Variants in THSD7B observed in about 807,000 individuals in gnomAD.
THSD7B encodes the protein thrombospondin type-1 domain-containing protein 7B.
In THSD7B, 138 loss-of-function variants were observed where a neutral mutation model predicts 213.6. That is an observed-to-expected ratio of 0.65 (90% confidence interval 0.56 to 0.74). The LOEUF is 0.74. Among genes scored for constraint, THSD7B ranks in the 30% least tolerant of loss-of-function variants. The probability of loss-of-function intolerance (pLI) is 0.00; values close to 1 mark genes in which losing one functional copy is unlikely to be tolerated. For synonymous variants in THSD7B, 742 were observed against 687.0 expected (o/e 1.08, Z -1.25); for missense variants, 1,931 against 1,991.5 (o/e 0.97, Z 0.58).
At chr2:137,430,537 G>T (rs1048697203) in intron 14 of THSD7B, among the ~76,000 whole-genome samples, 1 of 152,206 alleles carries the variant, frequency 6.6e-6, no homozygotes, top group African/African-American at 2.4e-5. Flanking sequence ...CTGCCCCATG[G>T]ATAAAATCTC....
At chr2:137,657,577 A>G (rs549239427) in intron 24 of THSD7B, among the ~76,000 whole-genome samples, 32 of 152,368 alleles carry the variant, frequency 2.1e-4, no homozygotes, top group Non-Finnish European at 3.4e-4. Context: ...ACAAAATTTA[A>G]AAATTAAAAT....
At chr2:137,401,318 G>A (rs1558784691) in intron 12 of THSD7B, among the ~76,000 whole-genome samples, 1 of 152,068 alleles carries the variant, frequency 6.6e-6, no homozygotes, top group Non-Finnish European at 1.5e-5. Flanking sequence ...TTTCCTTTGT[G>A]TGTTTGTTTT....
At chr2:137,376,118 C>A (rs1040296047) in intron 12 of THSD7B, among the ~76,000 whole-genome samples, 3 of 152,142 alleles carry the variant, frequency 2.0e-5, no homozygotes, top group African/African-American at 7.2e-5. Flanking sequence ...AGTTGTTTTT[C>A]ATGGGAGAAT....
intron 17 of THSD7B, among the ~76,000 whole-genome samples, chr2:137,598,005 T>C (rs1047894640): frequency 2.0e-5 from 3 of 152,076 alleles, no homozygotes; most frequent in African/African-American, 7.2e-5. Context: ...AGCTTGAGTC[T>C]CTCTTCCTAT....
chr2:137,122,130 G>A (rs1406950256), intron 5 of THSD7B, among the ~76,000 whole-genome samples: 2 of 152,198 alleles, frequency 1.3e-5, no homozygotes, highest in African/African-American at 4.8e-5. Flanking sequence ...GGCAATGCTA[G>A]TTGATTTCTA....
At chr2:137,390,323 G>C (rs765027535) in intron 12 of THSD7B, among the ~76,000 whole-genome samples, 4 of 151,872 alleles carry the variant, frequency 2.6e-5, no homozygotes, top group Non-Finnish European at 4.4e-5. Context: ...TTGCCTTCTT[G>C]ATTATGTTTC....
chr2:137,655,261 T>C lies in THSD7B; in HGVS notation c.3946-240T>C, dbSNP rs1168364541. Among the ~76,000 whole-genome samples, 4 of 152,218 alleles carry C rather than the reference T, an allele frequency of 2.6e-5. No homozygotes were observed. In the East Asian group the frequency reaches 7.7e-4, roughly 29 times the overall value. ...AATCTTGGCTGAGTTCCAAAATGAA[T>C]TGTCATATTCTAAGTACATAGGTTC... is the stretch of plus-strand genomic sequence containing the variant. On this transcript the variant is annotated intron_variant, in intron 21 of 27. Transcript: ENST00000409968.
At chr2:137,093,240 G>C (rs546759267) in intron 3 of THSD7B, among the ~76,000 whole-genome samples, 1 of 147,978 alleles carries the variant, frequency 6.8e-6, no homozygotes. Flanking sequence ...AGCAGCTTTC[G>C]AAGAACCCTT....
At chr2:136,969,102 C>T (rs920043611) in intron 2 of THSD7B, among the ~76,000 whole-genome samples, 1 of 152,120 alleles carries the variant, frequency 6.6e-6, no homozygotes, top group African/African-American at 2.4e-5. Flanking sequence ...GTCTGCTTGC[C>T]ATTGTAGTAA....
intron 21 of THSD7B, among the ~76,000 whole-genome samples, chr2:137,645,692 T>G (rs1370588211): frequency 6.6e-6 from 1 of 152,134 alleles, no homozygotes; most frequent in African/African-American, 2.4e-5. Flanking sequence ...AAAAACCACT[T>G]TAATAAACTG....
At chr2:137,444,525 A>G in intron 14 of THSD7B, among the ~76,000 whole-genome samples, 1 of 152,148 alleles carries the variant, frequency 6.6e-6, no homozygotes, top group South Asian at 2.1e-4. Flanking sequence ...AAACAATTAT[A>G]TTCTCATAGT....
intron 9 of THSD7B, among the ~76,000 whole-genome samples, chr2:137,238,743 CG>C (rs1340649699): frequency 2.0e-5 from 3 of 149,068 alleles, no homozygotes; most frequent in African/African-American, 7.4e-5. Flanking sequence ...TTAGTAGAGA[CG>C]GGGTTTCACC....
At chr2:137,499,797 C>A (rs570070160) in intron 15 of THSD7B, among the ~76,000 whole-genome samples, 130 of 152,176 alleles carry the variant, frequency 8.5e-4, no homozygotes, top group Admixed American at 2.2e-3. Flanking sequence ...TAGCTGAAAG[C>A]CAAATGCATG....
intron 3 of THSD7B, 101 bp downstream of exon 3, chr2:137,057,331 G>A (rs367787044): frequency 1.5e-5 from 18 of 1,209,000 alleles, no homozygotes; most frequent in African/African-American, 7.7e-5. Flanking sequence ...AAATGGCAAC[G>A]AGGTTTATAA....
At chr2:136,822,265 C>T (rs1307858798) in intron 1 of THSD7B, among the ~76,000 whole-genome samples, 1 of 152,152 alleles carries the variant, frequency 6.6e-6, no homozygotes, top group African/African-American at 2.4e-5. Context: ...CTCCACCAAA[C>T]CCACTTTAGA....
At chr2:137,600,559 G>A (rs762758675) in intron 17 of THSD7B, among the ~76,000 whole-genome samples, 5 of 152,048 alleles carry the variant, frequency 3.3e-5, no homozygotes, top group African/African-American at 7.2e-5. Flanking sequence ...CCAACATGGC[G>A]AAACCCTATC....
chr2:136,971,571 T>C (rs1263180703), intron 2 of THSD7B, among the ~76,000 whole-genome samples: 1 of 149,964 alleles, frequency 6.7e-6, no homozygotes, highest in Non-Finnish European at 1.5e-5. Context: ...TAATTATTGC[T>C]TATCACTGAA....
chr2:137,608,782 C>T (rs1682235079), intron 17 of THSD7B, among the ~76,000 whole-genome samples: 1 of 152,106 alleles, frequency 6.6e-6, no homozygotes, highest in South Asian at 2.1e-4. Context: ...GATATGTATG[C>T]CTTGTTAAAT....
intron 15 of THSD7B, among the ~76,000 whole-genome samples, chr2:137,562,594 TTGTGTG>T (rs72488766): frequency 0.033 from 4,798 of 145,046 alleles, 119 homozygotes; most frequent in Middle Eastern, 0.08. Context: ...GTATTTCTCT[TTGTGTG>T]TGTGTGTGTG....
Sources: allele counts gnomAD v4.1 joint callset (sites outside exome capture counted in the v4.1 genomes callset), GRCh38; gene constraint gnomAD v4.1.1; transcripts MANE v1.5; gene names NCBI Gene and HGNC (gene_info 2026-07-23, HGNC 2026-07-21).